FBN2: variants seen among roughly 807,000 people sequenced by gnomAD.
FBN2 encodes fibrillin 2, also known as fibrillin-2.
In FBN2, 105 loss-of-function variants were observed where a neutral mutation model predicts 355.6. That is an observed-to-expected ratio of 0.30 (90% CI 0.25 to 0.35). FBN2 has a LOEUF of 0.35. Ranked by LOEUF, FBN2 falls within the 10% of genes least tolerant of loss-of-function variation. The probability of loss-of-function intolerance (pLI) is 1.00; values close to 1 mark genes in which losing one functional copy is unlikely to be tolerated. For synonymous variants in FBN2, 1,350 were observed against 1,301.2 expected, an observed-to-expected ratio of 1.04 and a Z score of -0.81; for missense variants, 3,280 against 3,758.7, an observed-to-expected ratio of 0.87 and a Z score of 3.33.
At chr5:128,527,118 A>C (rs1756581347) in intron 4 of FBN2, among the ~76,000 whole-genome samples, 1 of 152,182 alleles carries the variant, frequency 6.6e-6, no homozygotes, top group African/African-American at 2.4e-5. Flanking sequence ...ATTCAATTTC[A>C]GAAATAACAC....
chr5:128,481,942 T>C (rs1344609471), intron 5 of FBN2, among the ~76,000 whole-genome samples: 1 of 152,092 alleles, frequency 6.6e-6, no homozygotes, highest in Non-Finnish European at 1.5e-5. Flanking sequence ...AAATAGCAAA[T>C]CTTATACTGT....
At chr5:128,387,226 A>G (rs540301024) in intron 11 of FBN2, among the ~76,000 whole-genome samples, 2 of 151,966 alleles carry the variant, frequency 1.3e-5, no homozygotes, top group Non-Finnish European at 2.9e-5. Context: ...GTTTGTGTGC[A>G]CAGAGGTATT....
chr5:128,406,419 C>T (rs1043995272), intron 8 of FBN2, among the ~76,000 whole-genome samples: 11 of 152,332 alleles, frequency 7.2e-5, no homozygotes, highest in South Asian at 2.1e-4. Context: ...TTAGCAACCT[C>T]AGCATACGAT....
intron 20 of FBN2, among the ~76,000 whole-genome samples, chr5:128,351,226 A>T (rs1425201528): frequency 0.034 from 279 of 8,286 alleles, 4 homozygotes; most frequent in Non-Finnish European, 0.048. Context: ...CACCAGAGGA[A>T]AAAAAAAAAA....
At chr5:128,474,105 G>A (rs1469930177) in intron 5 of FBN2, among the ~76,000 whole-genome samples, 2 of 152,130 alleles carry the variant, frequency 1.3e-5, no homozygotes, top group Non-Finnish European at 2.9e-5. Flanking sequence ...TACGGGTGAA[G>A]GCCATCAAAG....
chr5:128,531,123 A>G (rs1258407473), intron 2 of FBN2, among the ~76,000 whole-genome samples: 1 of 152,150 alleles, frequency 6.6e-6, no homozygotes, highest in East Asian at 1.9e-4. Context: ...CCCTTCAATC[A>G]ACAAGTGGAT....
intron 7 of FBN2, among the ~76,000 whole-genome samples, chr5:128,411,018 T>C (rs932303756): frequency 6.6e-6 from 1 of 152,118 alleles, no homozygotes; most frequent in Non-Finnish European, 1.5e-5. Context: ...TTTAATACAG[T>C]GTTGCCCAAT....
chr5:128,534,786 T>C (rs1297191603), intron 2 of FBN2, among the ~76,000 whole-genome samples: 1 of 152,222 alleles, frequency 6.6e-6, no homozygotes, highest in Non-Finnish European at 1.5e-5. Flanking sequence ...CATTCCACAC[T>C]GATCCAATAA....
intron 50 of FBN2, 147 bp downstream of exon 50, chr5:128,290,585 C>T: frequency 1.2e-6 from 1 of 815,598 alleles, no homozygotes; most frequent in Non-Finnish European, 2.1e-6. Flanking sequence ...GTTTCTCAGG[C>T]TAGGTTGTTC....
At chr5:128,506,529 C>T (rs537309217) in intron 5 of FBN2, among the ~76,000 whole-genome samples, 1 of 152,254 alleles carries the variant, frequency 6.6e-6, no homozygotes, top group South Asian at 2.1e-4. Flanking sequence ...GCTGAACTTA[C>T]TTATGAGCTC....
At chr5:128,473,851 T>C (rs532632333) in intron 5 of FBN2, among the ~76,000 whole-genome samples, 17 of 152,382 alleles carry the variant, frequency 1.1e-4, no homozygotes, top group Admixed American at 2.6e-4. Flanking sequence ...TTTCTGCAAA[T>C]AAATGAGTAA....
chr5:128,375,259 G>C (rs998140100), intron 14 of FBN2, among the ~76,000 whole-genome samples: 1 of 152,086 alleles, frequency 6.6e-6, no homozygotes, highest in Non-Finnish European at 1.5e-5. Flanking sequence ...CAGAGCTGCC[G>C]ACTCAGGAAT....
In FBN2 at chr5:128,320,433, T is replaced by C. The variant is rs564541126; in HGVS notation, c.4472-1432A>G. On this transcript the variant is annotated intron_variant, in intron 34 of 64. Coordinates refer to ENST00000262464, the MANE Select transcript of FBN2 (RefSeq NM_001999.4). Reference sequence around the variant, plus strand: ...CTCCCTATGTGGCCTAGGTTGGTCTTGAACTCCTGGGCTCATGGGATCCTC... The same window carrying C: ...CTCCCTATGTGGCCTAGGTTGGTCTCGAACTCCTGGGCTCATGGGATCCTC... Among the ~76,000 whole-genome samples, 15 of 152,204 alleles carry C rather than the reference T, an allele frequency of 9.9e-5. No individual in the cohort carries two copies. In the South Asian group the frequency reaches 3.1e-3, roughly 32 times the overall value.
At chr5:128,374,457 A>G (rs1259734527) in intron 15 of FBN2, among the ~76,000 whole-genome samples, 171 bp downstream of exon 15, 2 of 152,168 alleles carry the variant, frequency 1.3e-5, no homozygotes, top group Admixed American at 6.5e-5. Context: ...CATACACTGT[A>G]TGGTGTTTTG....
chr5:128,328,801 T>C lies in FBN2; in HGVS notation c.4366A>G (p.Asn1456Asp). ...TCSDVDECAE[N>D]INLCENGQCL... is the part of the protein sequence containing the mutation. ...TGTCCGTTCTCACAGAGGTTTATGT[T>C]TTCTGCACACTCATCAACATCTGTG... is the stretch of plus-strand genomic sequence containing the variant. Residue 1456 changes from asparagine to aspartate, a missense_variant, in exon 34 of 65, where the codon AAC (asparagine) becomes GAC (aspartate). This residue lies in a region of FBN2 where 2,284 missense variants were observed against 2,749.5 expected (regional missense o/e 0.83). Transcript: ENST00000262464. The C allele has an allele frequency of 6.2e-7, 1 of 1,614,174 alleles. No homozygotes were observed. Among genetic ancestry groups the C allele is most frequent in the Non-Finnish European group, 8.5e-7 (1 of 1,180,010 alleles).
At position 128,326,699 on chromosome 5, in the gene FBN2, T is replaced by C. The variant is rs143391548; in HGVS notation, c.4471+1997A>G. On this transcript the variant is annotated intron_variant, in intron 34 of 64. Coordinates refer to ENST00000262464, the MANE Select transcript of FBN2 (RefSeq NM_001999.4). ...AAAACAAGGAGAATGGCCAGAACCA[T>C]GGAATTACATTTTTTGGATCTCAAA... Among the ~76,000 whole-genome samples, 5 of 152,204 alleles carry C rather than the reference T, an allele frequency of 3.3e-5. No homozygotes were observed. In the East Asian group the frequency reaches 5.8e-4, roughly 18 times the overall value.
intron 5 of FBN2, among the ~76,000 whole-genome samples, chr5:128,480,734 A>C (rs1014200068): frequency 6.6e-6 from 1 of 152,166 alleles, no homozygotes; most frequent in African/African-American, 2.4e-5. Context: ...CAAATAAATA[A>C]ATAAAGAAAT....
intron 5 of FBN2, among the ~76,000 whole-genome samples, chr5:128,505,134 G>T: frequency 6.6e-6 from 1 of 152,286 alleles, no homozygotes; most frequent in South Asian, 2.1e-4. Context: ...ATGTGGAACT[G>T]TGTGTCAATT....
intron 5 of FBN2, among the ~76,000 whole-genome samples, chr5:128,515,315 G>A (rs534469313): frequency 6.6e-6 from 1 of 152,292 alleles, no homozygotes; most frequent in African/African-American, 2.4e-5. Context: ...ACACCTGAGT[G>A]GCAGGTTGTG....
Sources: allele counts gnomAD v4.1 joint callset (sites outside exome capture counted in the v4.1 genomes callset), GRCh38; gene constraint gnomAD v4.1.1; regional missense constraint gnomAD v4.1.1; transcripts MANE v1.5; gene names NCBI Gene and HGNC (gene_info 2026-07-23, HGNC 2026-07-21).